Variants in FUT9 observed in about 807,000 individuals in gnomAD.
FUT9 encodes fucosyltransferase 9.
In FUT9, 15 loss-of-function variants were observed where a neutral mutation model predicts 29.7. That is an observed-to-expected ratio of 0.51 (90% CI 0.34 to 0.78). The LOEUF is 0.78. FUT9 is among the 30% of genes least tolerant of loss of function. The pLI, the probability that FUT9 is intolerant of heterozygous loss-of-function variation, is 0.01. For missense variants in FUT9, 319 were observed against 425.4 expected (o/e 0.75, Z 2.20); for synonymous variants, 169 against 153.7 (o/e 1.10, Z -0.74).
intron 1 of FUT9, among the ~76,000 whole-genome samples, chr6:96,050,130 C>G (rs1328647405): frequency 6.6e-6 from 1 of 151,990 alleles, no homozygotes. Flanking sequence ...CATCACCACA[C>G]TAGATTTCAA....
chr6:96,083,997 A>G (rs915288829), intron 1 of FUT9, among the ~76,000 whole-genome samples: 1 of 152,072 alleles, frequency 6.6e-6, no homozygotes, highest in African/African-American at 2.4e-5. Context: ...ATGTCATTAT[A>G]TGATAACTCC....
chr6:96,086,739 T>A (rs1425311821), intron 1 of FUT9, among the ~76,000 whole-genome samples: 1 of 152,190 alleles, frequency 6.6e-6, no homozygotes, highest in Non-Finnish European at 1.5e-5. Context: ...TTGTGTGTAA[T>A]CCTTAATCTT....
intron 2 of FUT9, among the ~76,000 whole-genome samples, chr6:96,176,302 A>T (rs1170502372): frequency 6.6e-6 from 1 of 151,924 alleles, no homozygotes; most frequent in Non-Finnish European, 1.5e-5. Flanking sequence ...ATATCTCTCT[A>T]CATTTATAAA....
At chr6:96,092,638 T>C (rs1241394375) in intron 1 of FUT9, among the ~76,000 whole-genome samples, 1 of 152,186 alleles carries the variant, frequency 6.6e-6, no homozygotes, top group Non-Finnish European at 1.5e-5. Flanking sequence ...ACTTTGCATA[T>C]GTCATTTCCT....
intron 1 of FUT9, among the ~76,000 whole-genome samples, chr6:96,067,181 C>T (rs1291219560): frequency 1.4e-5 from 2 of 140,590 alleles, no homozygotes; most frequent in Non-Finnish European, 3.1e-5. Context: ...GATACATAAA[C>T]TCATTAGGCT....
At chr6:96,063,035 T>C (rs1770903544) in intron 1 of FUT9, among the ~76,000 whole-genome samples, 2 of 152,220 alleles carry the variant, frequency 1.3e-5, no homozygotes, top group South Asian at 4.1e-4. Flanking sequence ...GAAAAGATAA[T>C]GACTAAACCT....
At chr6:96,184,409 A>T in intron 2 of FUT9, among the ~76,000 whole-genome samples, 1 of 151,404 alleles carries the variant, frequency 6.6e-6, no homozygotes, top group Non-Finnish European at 1.5e-5. Context: ...TTTGTTTTAT[A>T]TATCTTTTGT....
chr6:96,148,769 TA>T (rs1211942818), intron 2 of FUT9, among the ~76,000 whole-genome samples: 1 of 152,154 alleles, frequency 6.6e-6, no homozygotes, highest in East Asian at 1.9e-4. Flanking sequence ...GTATTGCCTT[TA>T]TTCTGAGTCT....
chr6:96,057,970 A>G (rs764962025), intron 1 of FUT9, among the ~76,000 whole-genome samples: 1 of 152,144 alleles, frequency 6.6e-6, no homozygotes, highest in African/African-American at 2.4e-5. Flanking sequence ...GCCTCTCCAA[A>G]CATTTTTAAA....
At chr6:96,026,102 A>T (rs1770163190) in intron 1 of FUT9, among the ~76,000 whole-genome samples, 1 of 145,924 alleles carries the variant, frequency 6.9e-6, no homozygotes, top group Non-Finnish European at 1.5e-5. Flanking sequence ...CTTTACAAAC[A>T]TGTTCTTAAA....
intron 2 of FUT9, among the ~76,000 whole-genome samples, chr6:96,172,571 G>T (rs17056357): frequency 0.15 from 22,355 of 151,868 alleles, 1,831 homozygotes; most frequent in Non-Finnish European, 0.18. Context: ...GGTCTTAGTA[G>T]AGTGTGGGTT....
At chr6:96,082,272 G>C (rs1454475067) in intron 1 of FUT9, among the ~76,000 whole-genome samples, 1 of 151,450 alleles carries the variant, frequency 6.6e-6, no homozygotes, top group Non-Finnish European at 1.5e-5. Flanking sequence ...GTCCTCTAAA[G>C]CTTTTAAAAT....
chr6:96,075,540 A>C (rs1208768365), intron 1 of FUT9, among the ~76,000 whole-genome samples: 3 of 152,184 alleles, frequency 2.0e-5, no homozygotes. Context: ...AACTCAAGTT[A>C]CTTATGTATA....
intron 2 of FUT9, among the ~76,000 whole-genome samples, chr6:96,172,960 G>A (rs1258159079): frequency 6.6e-6 from 1 of 152,092 alleles, no homozygotes; most frequent in African/African-American, 2.4e-5. Flanking sequence ...ATTTTTATAA[G>A]GCTGGAGTCA....
chr6:96,177,815 G>A (rs1773231500), intron 2 of FUT9, among the ~76,000 whole-genome samples: 1 of 152,020 alleles, frequency 6.6e-6, no homozygotes, highest in African/African-American at 2.4e-5. Flanking sequence ...TTTACTTAAT[G>A]TTACTAAGGT....
intron 2 of FUT9, among the ~76,000 whole-genome samples, chr6:96,178,694 T>A (rs1448515398): frequency 6.6e-6 from 1 of 152,146 alleles, no homozygotes; most frequent in African/African-American, 2.4e-5. Context: ...TATTTATGGG[T>A]TTCAATTCCT....
intron 2 of FUT9, among the ~76,000 whole-genome samples, chr6:96,123,478 A>G (rs148861045): frequency 5.6e-4 from 86 of 152,340 alleles, no homozygotes; most frequent in Admixed American, 3.3e-4. Context: ...CGTCATTTGT[A>G]GAACTATGGT....
At chr6:96,145,579 G>A (rs1772551017) in intron 2 of FUT9, among the ~76,000 whole-genome samples, 2 of 152,118 alleles carry the variant, frequency 1.3e-5, no homozygotes, top group African/African-American at 4.8e-5. Flanking sequence ...AATATGAAGT[G>A]GAAGGGTAAG....
intron 2 of FUT9, among the ~76,000 whole-genome samples, chr6:96,174,955 A>G (rs1439318426): frequency 1.3e-5 from 2 of 152,198 alleles, no homozygotes; most frequent in African/African-American, 2.4e-5. Context: ...GCATTCATCT[A>G]TCCCAAAGGG....
Sources: allele counts gnomAD v4.1 joint callset (sites outside exome capture counted in the v4.1 genomes callset), GRCh38; gene constraint gnomAD v4.1.1; transcripts MANE v1.5; gene names NCBI Gene and HGNC (gene_info 2026-07-23, HGNC 2026-07-21).